The following CRY1 variants were observed in gnomAD, a reference collection of about 807,000 sequenced individuals.
CRY1 encodes the protein cryptochrome-1.
CRY1 carries 45 observed loss-of-function variants against 76.0 expected under a neutral mutation model. The ratio of observed to expected loss-of-function variants is 0.59; its 90% CI spans 0.47 to 0.76. CRY1 has a LOEUF of 0.76. Among genes scored for constraint, CRY1 ranks in the 30% least tolerant of loss-of-function variants. The probability of loss-of-function intolerance (pLI) is 0.00; values close to 1 mark genes in which losing one functional copy is unlikely to be tolerated. For missense variants in CRY1, 587 were observed against 716.4 expected, an observed-to-expected ratio of 0.82 and a Z score of 2.06; for synonymous variants, 248 against 244.0, an observed-to-expected ratio of 1.02 and a Z score of -0.15.
chr12:107,069,374 G>A (rs545033366), intron 1 of CRY1, among the ~76,000 whole-genome samples: 84 of 151,050 alleles, frequency 5.6e-4, no homozygotes, highest in African/African-American at 2.0e-3. Flanking sequence ...ACAGGCGCCC[G>A]CCACCACGCC....
At chr12:107,076,929 T>C (rs1304176771) in intron 1 of CRY1, among the ~76,000 whole-genome samples, 2 of 152,102 alleles carry the variant, frequency 1.3e-5, no homozygotes, top group Non-Finnish European at 2.9e-5. Flanking sequence ...TGCTCCCCCT[T>C]TGCCTTCCAC....
intron 2 of CRY1, among the ~76,000 whole-genome samples, chr12:107,013,895 C>T (rs1163479022): frequency 2.0e-5 from 3 of 152,118 alleles, no homozygotes; most frequent in African/African-American, 7.2e-5. Flanking sequence ...AAATTAATTT[C>T]ACCTGTTTGT....
chr12:107,044,748 G>A (rs1952832045), intron 1 of CRY1, among the ~76,000 whole-genome samples: 1 of 152,118 alleles, frequency 6.6e-6, no homozygotes, highest in Non-Finnish European at 1.5e-5. Flanking sequence ...ATACATTAGA[G>A]AGCTTCAGCA....
intron 1 of CRY1, among the ~76,000 whole-genome samples, chr12:107,091,197 G>C (rs1953468289): frequency 6.6e-6 from 1 of 152,062 alleles, no homozygotes; most frequent in South Asian, 2.1e-4. Context: ...GCGCCACCAT[G>C]CTCACCTAAT....
chr12:107,002,007 A>G (rs997642212), intron 3 of CRY1, 59 bp from the exon 4 acceptor site: 10 of 1,411,636 alleles, frequency 7.1e-6, no homozygotes, highest in Non-Finnish European at 7.6e-6. Flanking sequence ...ATTTTGGCTA[A>G]TAAGCTCCCA....
At chr12:107,024,369 A>G (rs1952586094) in intron 1 of CRY1, among the ~76,000 whole-genome samples, 1 of 152,240 alleles carries the variant, frequency 6.6e-6, no homozygotes, top group African/African-American at 2.4e-5. Context: ...TCCCTTTCTT[A>G]ATAGGCTGAA....
chr12:107,072,810 G>A (rs895037286), intron 1 of CRY1: 5 of 151,778 alleles, frequency 3.3e-5, no homozygotes, highest in Admixed American at 1.3e-4. Flanking sequence ...CACTTTCTTC[G>A]TATCATTTGA....
intron 1 of CRY1, among the ~76,000 whole-genome samples, chr12:107,090,293 A>C (rs1020472072): frequency 6.6e-6 from 1 of 152,050 alleles, no homozygotes; most frequent in Non-Finnish European, 1.5e-5. Flanking sequence ...GGGTTTTGCC[A>C]TATTGGCCAG....
At chr12:107,009,570 A>ATATATATATATATG (rs1952418746) in intron 2 of CRY1, among the ~76,000 whole-genome samples, 1 of 44,408 alleles carries the variant, frequency 2.3e-5, no homozygotes, top group African/African-American at 1.1e-4. Flanking sequence ...AAACATATAT[A>ATATATATATATATG]TATATATATA....
At chr12:107,034,172 G>C (rs1311428777) in intron 1 of CRY1, among the ~76,000 whole-genome samples, 2 of 152,004 alleles carry the variant, frequency 1.3e-5, no homozygotes, top group African/African-American at 4.8e-5. Flanking sequence ...GGAGACGAAA[G>C]TGACCTCTGG....
intron 1 of CRY1, among the ~76,000 whole-genome samples, chr12:107,063,851 G>A (rs962286791): frequency 1.6e-4 from 25 of 152,122 alleles, no homozygotes; most frequent in African/African-American, 6.0e-4. Flanking sequence ...ACCCGCCTCA[G>A]CCTCCCAAAG....
At chr12:107,052,900 GA>G in intron 1 of CRY1, among the ~76,000 whole-genome samples, 1 of 152,296 alleles carries the variant, frequency 6.6e-6, no homozygotes, top group East Asian at 1.9e-4. Context: ...CTTTTACTCT[GA>G]GATATAAGCC....
At chr12:107,082,162 A>G (rs1953334200) in intron 1 of CRY1, among the ~76,000 whole-genome samples, 1 of 152,146 alleles carries the variant, frequency 6.6e-6, no homozygotes. Flanking sequence ...TCTTAAATAT[A>G]TATATGCACC....
chr12:106,999,929 T>TTA lies in CRY1; in HGVS notation c.825+12_825+13insTA. 5 of 1,592,920 alleles carry TTA rather than the reference T, an allele frequency of 3.1e-6. No individual in the cohort carries two copies. Among genetic ancestry groups the TTA allele is most frequent in the Non-Finnish European group, 4.3e-6 (5 of 1,174,752 alleles). ...TAAAGTATTAAACAATAAGCTCTAA[T>TTA]TTTAGAGAATACCTTTTTGTAGAGA... On this transcript the variant is annotated intron_variant, in intron 6 of 12. Coordinates refer to ENST00000008527, the MANE Select transcript of CRY1 (RefSeq NM_004075.5).
At chr12:107,085,016 C>A (rs538541378) in intron 1 of CRY1, among the ~76,000 whole-genome samples, 1 of 147,404 alleles carries the variant, frequency 6.8e-6, no homozygotes, top group African/African-American at 2.5e-5. Context: ...AGGATATGAA[C>A]AGACACTTCT....
rs956307556 is a variant in CRY1, at chr12:107,093,215, C to T, written c.-254G>A. 4.9e-5 allele frequency: 21 copies of T among 426,240 alleles called. No homozygotes were observed. Among genetic ancestry groups the T allele is most frequent in the Non-Finnish European group, 7.4e-5 (18 of 242,872 alleles). 26.4% of individuals were successfully genotyped at this position (426,240 alleles called of 1,614,324 possible). A position where few individuals can be genotyped will look rare whatever the true frequency, so the allele number is the denominator to read the frequency against. ...ACGCCCTTTAGGAGCCCGCGCCCGC[C>T]GCAACCGCCTGGAGGCGACGCATAA... On this transcript the variant is annotated 5_prime_UTR_variant, in exon 1 of 13. Coordinates refer to ENST00000008527, the MANE Select transcript of CRY1 (RefSeq NM_004075.5).
In CRY1 at chr12:107,019,216, C is replaced by CTT. The variant is rs141591996; in HGVS notation, c.267+2866_267+2867dup. On this transcript the variant is annotated intron_variant, in intron 2 of 12. Coordinates refer to ENST00000008527, the MANE Select transcript of CRY1 (RefSeq NM_004075.5). ...GCTTTTAATTGTATATCCTTTTAGC[C>CTT]TTTTTTTTTTAAACATATGCACGTT... is the stretch of plus-strand genomic sequence containing the variant. 8.8e-5 allele frequency among the ~76,000 whole-genome samples: 13 copies of CTT among 148,010 alleles called. No individual in the cohort carries two copies. In the Admixed American group the frequency reaches 8.8e-4, roughly 10 times the overall value.
chr12:107,018,605 T>TAGAAATAATTAAAAAA (rs2136841030), intron 2 of CRY1, among the ~76,000 whole-genome samples: 1 of 151,720 alleles, frequency 6.6e-6, no homozygotes, highest in Admixed American at 6.6e-5. Flanking sequence ...AAAATAAAAA[T>TAGAAATAATTAAAAAA]AGAAATAATT....
intron 1 of CRY1, among the ~76,000 whole-genome samples, chr12:107,055,062 G>T (rs1031881896): frequency 1.1e-4 from 16 of 151,792 alleles, no homozygotes; most frequent in African/African-American, 3.9e-4. Context: ...GAAAAACAAA[G>T]AATATCCCGT....
Sources: allele counts gnomAD v4.1 joint callset (sites outside exome capture counted in the v4.1 genomes callset), GRCh38; gene constraint gnomAD v4.1.1; transcripts MANE v1.5; gene names NCBI Gene and HGNC (gene_info 2026-07-23, HGNC 2026-07-21).